The following KPTN variants were observed in gnomAD, a reference collection of about 807,000 sequenced individuals.
KPTN encodes the protein kaptin, actin binding protein, also known as KICSTOR complex protein kaptin.
A neutral mutation model predicts 52.6 loss-of-function variants in KPTN; 36 were observed. The ratio of observed to expected loss-of-function variants is 0.68; its 90% CI spans 0.52 to 0.90. KPTN has a LOEUF of 0.90. KPTN is among the 40% of genes least tolerant of loss of function. KPTN has a pLI of 0.00. For synonymous variants in KPTN, 271 were observed against 248.4 expected, an observed-to-expected ratio of 1.09 and a Z score of -0.85; for missense variants, 529 against 576.2, an observed-to-expected ratio of 0.92 and a Z score of 0.84.
Position 47,483,316 on chromosome 19 carries a change from AC to A in KPTN, c.372del (p.Glu124AspfsTer12), listed in dbSNP as rs758544098. 1 of 1,614,012 alleles carries A rather than the reference AC, an allele frequency of 6.2e-7. No homozygotes were observed. The highest frequency in any genetic ancestry group is 1.7e-5 in the Admixed American group (1 of 60,012). ...TCACGGGCAATAGAGTCAAGGTTGTACTCAGAGCCGGGCTCGTAGTCGCAGT... is the reference window on the plus strand; with the variant it reads ...TCACGGGCAATAGAGTCAAGGTTGTATCAGAGCCGGGCTCGTAGTCGCAGT... ...NIYCDYEPGS[E>X]YNLDSIAQSC... On this transcript the variant is annotated frameshift_variant, in exon 3 of 12. Transcript: ENST00000338134. LOFTEE classifies it high-confidence loss of function.
At chr19:47,478,728 ATGT>A (rs1967764274) in intron 8 of KPTN, among the ~76,000 whole-genome samples, 1 of 152,162 alleles carries the variant, frequency 6.6e-6, no homozygotes, top group South Asian at 2.1e-4. Context: ...AGTCATAAAA[ATGT>A]TGTCTTTTGC....
intron 8 of KPTN, among the ~76,000 whole-genome samples, chr19:47,478,398 T>C (rs1364397110): frequency 2.0e-5 from 3 of 151,190 alleles, no homozygotes; most frequent in African/African-American, 7.3e-5. Context: ...GCCAACATGG[T>C]GAAACCCTGT....
intron 2 of KPTN, 50 bp downstream of exon 2, chr19:47,483,452 C>G: frequency 6.3e-7 from 1 of 1,594,676 alleles, no homozygotes; most frequent in Non-Finnish European, 8.6e-7. Context: ...GTGGAACTCA[C>G]CATGTGTGTA....
upstream of KPTN, among the ~76,000 whole-genome samples, chr19:47,484,776 C>T (rs1371651409): frequency 6.8e-6 from 1 of 148,124 alleles, no homozygotes; most frequent in African/African-American, 2.5e-5. Flanking sequence ...GCGATCTCGG[C>T]TCACTGCAAC....
chr19:47,482,068 A>G (rs1967895373), intron 4 of KPTN, among the ~76,000 whole-genome samples: 3 of 152,234 alleles, frequency 2.0e-5, no homozygotes, highest in Admixed American at 6.5e-5. Flanking sequence ...GAACATTAGA[A>G]TCTGGGAATT....
In KPTN at chr19:47,476,896, G is replaced by A. The variant is rs2293424; in HGVS notation, c.906C>T (p.Pro302=). 0.46 allele frequency: 711,712 copies of A among 1,560,534 alleles called. 168,948 individuals carry two copies. Among genetic ancestry groups the A allele is most frequent in the East Asian group, 0.57 (24,035 of 41,858 alleles). Residue 302 remains proline (P), a synonymous_variant, in exon 10 of 12, where the codon CCC becomes CCT. Coordinates refer to ENST00000338134, the MANE Select transcript of KPTN (RefSeq NM_007059.4). ...GGACGCTGTCAAACTGGTCACTGCC[G>A]GGCAGGAGAAGCTGGTCTTCAAGAC... The part of the protein sequence containing the change: ...NRGLEDQLLL[P]GSDQFDSVLC...
chr19:47,480,848 AC>A lies in KPTN; in HGVS notation c.526-16del. ...AGCCCCTCGTTCTGGGGAAACCAAG[AC>A]CCACCCCACCCCCGCTTAAGTCAGC... On this transcript the variant is annotated splice_polypyrimidine_tract_variant and intron_variant, in intron 5 of 11. Transcript: ENST00000338134. 6.2e-7 allele frequency: 1 copy of A among 1,612,350 alleles called. No individual in the cohort carries two copies. Among genetic ancestry groups the A allele is most frequent in the East Asian group, 2.2e-5 (1 of 44,786 alleles).
At position 47,484,074 on chromosome 19, in the gene KPTN, G is replaced by A. The variant is rs200839506; in HGVS notation, c.87C>T (p.Tyr29=). 205 of 1,609,862 alleles carry A rather than the reference G, an allele frequency of 1.3e-4. 1 individual carries two copies. The highest frequency in any genetic ancestry group is 1.7e-4 in the Middle Eastern group (1 of 6,060). The change falls in exon 1 of 12, where the codon TAC becomes TAT. Residue 29 remains tyrosine, a synonymous_variant. Coordinates refer to ENST00000338134, the MANE Select transcript of KPTN (RefSeq NM_007059.4). ...GCCCGCCGGCGCCGCCTGCCAGCCC[G>A]TACACATTGCTCTGCGACGAGAAGC... ...FTRFSSQSNV[Y]GLAGGAGGRG...
intron 9 of KPTN, 96 bp from the exon 10 acceptor site, chr19:47,477,034 C>T: frequency 7.6e-7 from 1 of 1,309,520 alleles, no homozygotes; most frequent in Non-Finnish European, 1.1e-6. Flanking sequence ...TGCTTCCCTT[C>T]TCAGGCCTAG....
At chr19:47,485,812 G>C (rs1250510906), upstream of KPTN, among the ~76,000 whole-genome samples, 1 of 152,236 alleles carries the variant, frequency 6.6e-6, no homozygotes. Context: ...AATGCCGTCA[G>C]TGCTGCTGTA....
intron 11 of KPTN, 64 bp from the exon 12 acceptor site, chr19:47,475,608 C>A: frequency 1.3e-6 from 2 of 1,583,446 alleles, no homozygotes; most frequent in South Asian, 1.1e-5. Flanking sequence ...ACAGCGGGAC[C>A]GTCTGGAGTG....
chr19:47,485,218 T>A (rs896556553), upstream of KPTN, among the ~76,000 whole-genome samples: 1 of 152,176 alleles, frequency 6.6e-6, no homozygotes, highest in African/African-American at 2.4e-5. Flanking sequence ...ATTGAGCTTT[T>A]ACTATGTGCC....
intron 11 of KPTN, 60 bp from the exon 12 acceptor site, chr19:47,475,604 G>C (rs1220186924): frequency 3.8e-6 from 6 of 1,588,084 alleles, no homozygotes; most frequent in Non-Finnish European, 4.3e-6. Context: ...GACCACAGCG[G>C]GACCGTCTGG....
In KPTN at chr19:47,483,363, C is replaced by T. The variant is rs1175981232; in HGVS notation, c.326G>A (p.Gly109Asp). ...GCAGTAAATGTTCAGGAAGGGGCTG[C>T]CCTTGTCCCCTGAATCCTGGCGGAG... ...ITFIKDSGDK[G>D]SPFLNIYCDY... Residue 109 changes from glycine to aspartate, a missense_variant, in exon 3 of 12, where the codon GGC (glycine) becomes GAC (aspartate). Physicochemically the swap from Gly to Asp is moderately conservative, Grantham distance 94. Coordinates refer to ENST00000338134, the MANE Select transcript of KPTN (RefSeq NM_007059.4). 6.2e-7 allele frequency: 1 copy of T among 1,613,992 alleles called. No homozygotes were observed. The highest frequency in any genetic ancestry group is 1.7e-5 in the Admixed American group (1 of 60,010).
chr19:47,483,401 A>G (rs1360913847), intron 2 of KPTN, 22 bp from the exon 3 acceptor site: 1 of 1,609,040 alleles, frequency 6.2e-7, no homozygotes, highest in African/African-American at 1.3e-5. Context: ...CACGGGGTTC[A>G]GGGGAGGGCA....
In KPTN at chr19:47,475,244, G is replaced by C. The variant is rs189002409; in HGVS notation, c.*172C>G. ...GGGATCATCCCTGCTTTCAAATAGGGACATTGACGTACAGAGAGAGGAGTG... is the reference window on the plus strand; with the variant it reads ...GGGATCATCCCTGCTTTCAAATAGGCACATTGACGTACAGAGAGAGGAGTG... On this transcript the variant is annotated 3_prime_UTR_variant, in exon 12 of 12. Transcript: ENST00000338134. The C allele has an allele frequency of 8.1e-4, 490 of 605,212 alleles. No individual in the cohort carries two copies. Among genetic ancestry groups the C allele is most frequent in the Non-Finnish European group, 1.2e-3 (410 of 353,970 alleles). 37.5% of individuals were successfully genotyped at this position (605,212 alleles called of 1,614,324 possible).
Position 47,476,870 on chromosome 19 carries a change from AGGACGCT to A in KPTN, c.925_931del (p.Val310AlafsTer63). On this transcript the variant is annotated frameshift_variant, in exon 10 of 12. Coordinates refer to ENST00000338134, the MANE Select transcript of KPTN (RefSeq NM_007059.4). LOFTEE classifies it high-confidence loss of function. ...ATCCACATCGGTGACCAGGCTGCAG[AGGACGCT>A]GTCAAACTGGTCACTGCCGGGCAGG... 1 of 1,569,820 alleles carries A rather than the reference AGGACGCT, an allele frequency of 6.4e-7. No homozygotes were observed. Among genetic ancestry groups the A allele is most frequent in the Non-Finnish European group, 8.6e-7 (1 of 1,156,866 alleles).
intron 4 of KPTN, among the ~76,000 whole-genome samples, chr19:47,482,735 C>T (rs577612475): frequency 6.8e-4 from 103 of 152,198 alleles, no homozygotes; most frequent in Middle Eastern, 3.4e-3. Flanking sequence ...GACAGAGTTT[C>T]GCTCTTGTCA....
chr19:47,485,529 GCA>G (rs1232851367), upstream of KPTN, among the ~76,000 whole-genome samples: 1 of 152,212 alleles, frequency 6.6e-6, no homozygotes, highest in African/African-American at 2.4e-5. Context: ...GACACCTCGA[GCA>G]CACACAGACT....
Sources: allele counts gnomAD v4.1 joint callset (sites outside exome capture counted in the v4.1 genomes callset), GRCh38; gene constraint gnomAD v4.1.1; transcripts MANE v1.5; gene names NCBI Gene and HGNC (gene_info 2026-07-23, HGNC 2026-07-21).